The following NPAS3 variants were observed in gnomAD, a reference collection of about 807,000 sequenced individuals.
NPAS3 encodes neuronal PAS domain-containing protein 3.
Under a neutral mutation model 73.1 loss-of-function variants are expected in NPAS3, and 14 were observed. The observed-to-expected ratio is 0.19, with a 90% CI of 0.13 to 0.30. The LOEUF is 0.30. Ranked by LOEUF, NPAS3 falls within the 10% of genes least tolerant of loss-of-function variation. The probability of loss-of-function intolerance (pLI) is 1.00; values close to 1 mark genes in which losing one functional copy is unlikely to be tolerated. For missense variants in NPAS3, 1,096 were observed against 1,250.0 expected (o/e 0.88, Z 1.86); for synonymous variants, 620 against 541.5 (o/e 1.14, Z -2.01).
chr14:33,566,396 GA>G (rs1338800523), intron 5 of NPAS3, among the ~76,000 whole-genome samples: 2 of 152,012 alleles, frequency 1.3e-5, no homozygotes, highest in Non-Finnish European at 2.9e-5. Context: ...ATCCTTGGGG[GA>G]AAAAGTTCCT....
chr14:33,136,393 G>C (rs576926769), intron 2 of NPAS3, among the ~76,000 whole-genome samples: 8 of 152,132 alleles, frequency 5.3e-5, no homozygotes, highest in Non-Finnish European at 1.0e-4. Flanking sequence ...AAGTTCTTCG[G>C]TTCTGAAAAA....
chr14:33,290,939 G>A (rs546283657), intron 3 of NPAS3, among the ~76,000 whole-genome samples: 9 of 152,122 alleles, frequency 5.9e-5, no homozygotes, highest in Non-Finnish European at 1.0e-4. Context: ...TTCTGGATTA[G>A]AAGGGGCTGC....
At chr14:32,937,505 T>C (rs1235591247), upstream of NPAS3, among the ~76,000 whole-genome samples, 1 of 152,052 alleles carries the variant, frequency 6.6e-6, no homozygotes, top group Non-Finnish European at 1.5e-5. Context: ...CATGTATATC[T>C]TGTCCATAAC....
intron 5 of NPAS3, among the ~76,000 whole-genome samples, chr14:33,641,645 C>G (rs2058678923): frequency 6.6e-6 from 1 of 151,762 alleles, no homozygotes; most frequent in Non-Finnish European, 1.5e-5. Flanking sequence ...ATCTAACCTC[C>G]TACTCCACAT....
intron 9 of NPAS3, among the ~76,000 whole-genome samples, chr14:33,782,898 T>C (rs2063023959): frequency 6.6e-6 from 1 of 152,140 alleles, no homozygotes; most frequent in Non-Finnish European, 1.5e-5. Context: ...ACAAAACTAA[T>C]ATACAGCTAC....
At chr14:33,127,867 G>A (rs529167200) in intron 2 of NPAS3, among the ~76,000 whole-genome samples, 6 of 151,970 alleles carry the variant, frequency 3.9e-5, no homozygotes, top group Non-Finnish European at 8.8e-5. Flanking sequence ...AGATCCACTT[G>A]ATACAAAATC....
At chr14:33,731,503 C>T (rs1485022775) in intron 6 of NPAS3, among the ~76,000 whole-genome samples, 6 of 151,786 alleles carry the variant, frequency 4.0e-5, no homozygotes, top group African/African-American at 9.7e-5. Context: ...TACAGAGACC[C>T]TGGAGAGAAT....
At chr14:33,177,815 G>A (rs1446634192) in intron 2 of NPAS3, among the ~76,000 whole-genome samples, 1 of 152,168 alleles carries the variant, frequency 6.6e-6, no homozygotes, top group Non-Finnish European at 1.5e-5. Context: ...GACCATAGAT[G>A]TATGGGTTTA....
At chr14:33,497,548 A>G (rs964868316) in intron 4 of NPAS3, among the ~76,000 whole-genome samples, 1 of 152,128 alleles carries the variant, frequency 6.6e-6, no homozygotes, top group Admixed American at 6.6e-5. Context: ...AATACCACAC[A>G]TCTACAACCA....
chr14:33,390,935 A>C (rs947641240), intron 4 of NPAS3, among the ~76,000 whole-genome samples: 11 of 152,064 alleles, frequency 7.2e-5, no homozygotes, highest in Non-Finnish European at 1.0e-4. Context: ...TTGAAAAAAA[A>C]ATTAATAAGG....
chr14:33,029,747 C>T (rs2039926821), intron 1 of NPAS3, among the ~76,000 whole-genome samples: 1 of 152,132 alleles, frequency 6.6e-6, no homozygotes, highest in Admixed American at 6.5e-5. Flanking sequence ...GTATTACTGG[C>T]ATAACAGTGG....
chr14:33,120,923 A>T (rs975494644), intron 2 of NPAS3, among the ~76,000 whole-genome samples: 3 of 152,116 alleles, frequency 2.0e-5, no homozygotes, highest in Non-Finnish European at 4.4e-5. Context: ...TCACATGCGC[A>T]AACTCTAGTT....
intron 1 of NPAS3, among the ~76,000 whole-genome samples, chr14:33,050,591 C>T (rs1303028218): frequency 2.0e-5 from 3 of 152,118 alleles, no homozygotes; most frequent in African/African-American, 7.2e-5. Context: ...CAAATTTATT[C>T]TGATAAATGT....
At chr14:33,321,114 G>A (rs1253633234) in intron 3 of NPAS3, among the ~76,000 whole-genome samples, 1 of 152,072 alleles carries the variant, frequency 6.6e-6, no homozygotes, top group Non-Finnish European at 1.5e-5. Flanking sequence ...AAGAGGTAAT[G>A]AAATTTTAGT....
At chr14:33,056,811 T>C (rs1412864653) in intron 2 of NPAS3, among the ~76,000 whole-genome samples, 3 of 152,224 alleles carry the variant, frequency 2.0e-5, no homozygotes, top group African/African-American at 7.2e-5. Flanking sequence ...CATTAACCTT[T>C]AATTAAATTC....
chr14:33,511,342 T>TACA (rs1288086618), intron 4 of NPAS3, among the ~76,000 whole-genome samples: 1 of 152,094 alleles, frequency 6.6e-6, no homozygotes, highest in Non-Finnish European at 1.5e-5. Flanking sequence ...TTATACATTA[T>TACA]ACAACTTCCT....
At chr14:33,599,146 C>T (rs1036718659) in intron 5 of NPAS3, among the ~76,000 whole-genome samples, 6 of 152,098 alleles carry the variant, frequency 3.9e-5, no homozygotes, top group African/African-American at 7.2e-5. Flanking sequence ...TTTGCATGTC[C>T]GTGTATCTGT....
chr14:33,695,307 G>C (rs2060346840), intron 6 of NPAS3, among the ~76,000 whole-genome samples: 1 of 152,186 alleles, frequency 6.6e-6, no homozygotes, highest in Non-Finnish European at 1.5e-5. Context: ...ACCAACACAT[G>C]TCCACTGCTT....
intron 5 of NPAS3, among the ~76,000 whole-genome samples, chr14:33,667,093 A>G (rs2059472580): frequency 6.6e-6 from 1 of 152,254 alleles, no homozygotes; most frequent in Non-Finnish European, 1.5e-5. Context: ...TATTATTTTA[A>G]CATGCAATCA....
Sources: allele counts gnomAD v4.1 joint callset (sites outside exome capture counted in the v4.1 genomes callset), GRCh38; gene constraint gnomAD v4.1.1; transcripts MANE v1.5; gene names NCBI Gene and HGNC (gene_info 2026-07-23, HGNC 2026-07-21).